PAK5: variants seen among roughly 807,000 people sequenced by gnomAD.
PAK5 encodes the protein serine/threonine-protein kinase PAK 5.
PAK5 carries 16 observed loss-of-function variants against 65.9 expected under a neutral mutation model. The ratio of observed to expected loss-of-function variants is 0.24; its 90% CI spans 0.16 to 0.37. The LOEUF (loss-of-function observed/expected upper bound fraction) is 0.37, where lower values mean the gene tolerates loss of function less well. PAK5 is among the 10% of genes least tolerant of loss of function. PAK5 has a pLI of 1.00. For missense variants in PAK5, 785 were observed against 903.9 expected (o/e 0.87, Z 1.69); for synonymous variants, 371 against 354.9 (o/e 1.05, Z -0.51).
At chr20:9,734,005 G>A (rs989073878) in intron 1 of PAK5, among the ~76,000 whole-genome samples, 2 of 152,188 alleles carry the variant, frequency 1.3e-5, no homozygotes, top group African/African-American at 2.4e-5. Context: ...ATTAACATGA[G>A]GATGCTCTCC....
chr20:9,623,376 A>C (rs746765955), intron 3 of PAK5, among the ~76,000 whole-genome samples: 2 of 152,212 alleles, frequency 1.3e-5, no homozygotes, highest in African/African-American at 2.4e-5. Context: ...AATGAAAAGC[A>C]ACATGATCAA....
intron 1 of PAK5, among the ~76,000 whole-genome samples, chr20:9,826,501 G>A (rs1784763488): frequency 6.6e-6 from 1 of 152,118 alleles, no homozygotes; most frequent in Non-Finnish European, 1.5e-5. Flanking sequence ...CCAAACTGAA[G>A]CACACAAGGT....
intron 2 of PAK5, among the ~76,000 whole-genome samples, chr20:9,649,506 T>C (rs567914333): frequency 1.3e-5 from 2 of 152,356 alleles, no homozygotes; most frequent in South Asian, 2.1e-4. Flanking sequence ...TGCTCTGACA[T>C]CTTCATGGTT....
At chr20:9,557,123 C>T (rs563641381) in intron 7 of PAK5, among the ~76,000 whole-genome samples, 1 of 152,270 alleles carries the variant, frequency 6.6e-6, no homozygotes, top group East Asian at 1.9e-4. Flanking sequence ...CTGCACTAAT[C>T]CTCATACACT....
rs2047072093 is a variant in PAK5, at chr20:9,641,899, G to C, written c.204+2226C>G. On this transcript the variant is annotated intron_variant, in intron 3 of 9. Coordinates refer to ENST00000353224, the MANE Select transcript of PAK5 (RefSeq NM_177990.4). ...GTGCTCCGAGTGCGGGGCCCACCAAGCCCACGCCCACCCGGAACTCCAGCT... is the reference window on the plus strand; with the variant it reads ...GTGCTCCGAGTGCGGGGCCCACCAACCCCACGCCCACCCGGAACTCCAGCT... Among the ~76,000 whole-genome samples the C allele has an allele frequency of 2.6e-5, 4 of 152,166 alleles. 1 individual carries two copies. The South Asian group carries it at 8.3e-4, about 32-fold the overall frequency.
chr20:9,588,385 TTAAA>T (rs938234015), intron 3 of PAK5, among the ~76,000 whole-genome samples: 3 of 152,208 alleles, frequency 2.0e-5, no homozygotes, highest in Non-Finnish European at 4.4e-5. Context: ...GTATCACACT[TTAAA>T]TAAAGCACAC....
At chr20:9,799,511 G>A in intron 1 of PAK5, among the ~76,000 whole-genome samples, 1 of 152,040 alleles carries the variant, frequency 6.6e-6, no homozygotes, top group Admixed American at 6.6e-5. Flanking sequence ...TGTGTGTGTG[G>A]TTGAATATCA....
chr20:9,760,673 C>CTTTTTTTTTTTTTTTTTT (rs5840332), intron 1 of PAK5, among the ~76,000 whole-genome samples: 4 of 122,816 alleles, frequency 3.3e-5, no homozygotes, highest in Admixed American at 9.0e-5. Flanking sequence ...CTTTTCTTTT[C>CTTTTTTTTTTTTTTTTTT]TTTTTTTTTT....
intron 3 of PAK5, among the ~76,000 whole-genome samples, chr20:9,641,888 G>C (rs1461910248): frequency 2.6e-5 from 4 of 152,158 alleles, no homozygotes; most frequent in South Asian, 2.1e-4. Context: ...TCCGAGTGCG[G>C]GGCCCACCAA....
At chr20:9,542,972 T>G (rs1198835360) in intron 8 of PAK5, among the ~76,000 whole-genome samples, 1 of 152,236 alleles carries the variant, frequency 6.6e-6, no homozygotes, top group Non-Finnish European at 1.5e-5. Flanking sequence ...TAAAGTTTAG[T>G]GCTTTCATTT....
At chr20:9,724,187 A>T (rs1333012876) in intron 1 of PAK5, among the ~76,000 whole-genome samples, 2 of 152,292 alleles carry the variant, frequency 1.3e-5, no homozygotes, top group Admixed American at 6.5e-5. Context: ...GATCCAAAAA[A>T]ATTTTTTTTA....
At chr20:9,832,968 G>A (rs1978847242) in intron 1 of PAK5, among the ~76,000 whole-genome samples, 1 of 152,192 alleles carries the variant, frequency 6.6e-6, no homozygotes, top group Non-Finnish European at 1.5e-5. Flanking sequence ...TAAAATGCAT[G>A]CATTGCTGCA....
chr20:9,734,735 C>A (rs931857365), intron 1 of PAK5, among the ~76,000 whole-genome samples: 2 of 152,182 alleles, frequency 1.3e-5, no homozygotes, highest in Non-Finnish European at 2.9e-5. Context: ...TGTGTAATAA[C>A]TACTCTCTGT....
chr20:9,750,382 A>G (rs888295766), intron 1 of PAK5, among the ~76,000 whole-genome samples: 9 of 152,216 alleles, frequency 5.9e-5, no homozygotes, highest in Non-Finnish European at 1.3e-4. Flanking sequence ...TTTTAAATTA[A>G]TAAAAGAAGA....
At chr20:9,636,655 A>T (rs1256656429) in intron 3 of PAK5, among the ~76,000 whole-genome samples, 1 of 152,218 alleles carries the variant, frequency 6.6e-6, no homozygotes, top group Non-Finnish European at 1.5e-5. Flanking sequence ...AGGATCTAAC[A>T]ATTTAAAAAA....
At chr20:9,675,456 A>T (rs59526537) in intron 2 of PAK5, among the ~76,000 whole-genome samples, 11,329 of 152,162 alleles carry the variant, frequency 0.074, 1,013 homozygotes, top group African/African-American at 0.22. Flanking sequence ...CAACATTTGA[A>T]TAAATGAATG....
chr20:9,802,067 G>A (rs2049175522), intron 1 of PAK5, among the ~76,000 whole-genome samples: 1 of 152,144 alleles, frequency 6.6e-6, no homozygotes, highest in African/African-American at 2.4e-5. Context: ...AGTCAGTCTG[G>A]GGAAGTAAAA....
chr20:9,597,508 A>G (rs931663216), intron 3 of PAK5, among the ~76,000 whole-genome samples: 3 of 152,196 alleles, frequency 2.0e-5, no homozygotes, highest in Admixed American at 6.5e-5. Context: ...CACATTCTTA[A>G]CAATGTCAGA....
intron 1 of PAK5, among the ~76,000 whole-genome samples, chr20:9,757,020 G>A (rs2123635209): frequency 6.6e-6 from 1 of 152,270 alleles, no homozygotes; most frequent in Non-Finnish European, 1.5e-5. Context: ...GTTCTACAAT[G>A]TCTCCTAGAG....
Sources: allele counts gnomAD v4.1 joint callset (sites outside exome capture counted in the v4.1 genomes callset), GRCh38; gene constraint gnomAD v4.1.1; transcripts MANE v1.5; gene names NCBI Gene and HGNC (gene_info 2026-07-23, HGNC 2026-07-21).